Variants in ROS1 observed in about 807,000 individuals in gnomAD.
ROS1 encodes the protein ROS proto-oncogene 1, receptor tyrosine kinase, also known as proto-oncogene tyrosine-protein kinase ROS.
ROS1 carries 263 observed loss-of-function variants against 273.5 expected under a neutral mutation model. The ratio of observed to expected loss-of-function variants is 0.96; its 90% CI spans 0.87 to 1.06. The LOEUF (loss-of-function observed/expected upper bound fraction) is 1.06. Ranked by LOEUF, ROS1 falls within the 50% of genes least tolerant of loss-of-function variation. The pLI is 0.00. For synonymous variants in ROS1, 1,008 were observed against 954.1 expected, an observed-to-expected ratio of 1.06 and a Z score of -1.04; for missense variants, 2,833 against 2,751.1, an observed-to-expected ratio of 1.03 and a Z score of -0.67.
chr6:117,313,470 G>A (rs902694247), intron 39 of ROS1, among the ~76,000 whole-genome samples: 1 of 151,928 alleles, frequency 6.6e-6, no homozygotes, highest in Non-Finnish European at 1.5e-5. Context: ...CTACTCAGGA[G>A]GCTGAGGCAA....
chr6:117,293,292 A>C (rs1773971946), intron 43 of ROS1, among the ~76,000 whole-genome samples: 1 of 152,162 alleles, frequency 6.6e-6, no homozygotes, highest in Non-Finnish European at 1.5e-5. Flanking sequence ...TTCTCACCAA[A>C]TCCTTAAAAA....
chr6:117,340,624 A>T (rs1261684727), intron 31 of ROS1, among the ~76,000 whole-genome samples: 1 of 152,142 alleles, frequency 6.6e-6, no homozygotes, highest in Non-Finnish European at 1.5e-5. Context: ...GTGCTTCCTT[A>T]TTGGTTAAAG....
Position 117,393,127 on chromosome 6 carries a change from C to T in ROS1, c.1289+97G>A, listed in dbSNP as rs77427551. 1,949 of 779,894 alleles carry T rather than the reference C, an allele frequency of 2.5e-3. 30 individuals are homozygous for T. The African/African-American group carries it at 0.029, about 12-fold the overall frequency. 48.3% of individuals were successfully genotyped at this position (779,894 alleles called of 1,614,324 possible). On this transcript the variant is annotated intron_variant, in intron 12 of 43. Transcript: ENST00000368507. ...ACCTAAAGTAAGATGCATAGATAGG[C>T]TCATCTGGTACTACAATGTTTCATT...
At chr6:117,373,737 T>G (rs1307585813) in intron 18 of ROS1, among the ~76,000 whole-genome samples, 5 of 152,182 alleles carry the variant, frequency 3.3e-5, no homozygotes, top group Non-Finnish European at 7.4e-5. Context: ...GCTACCACAG[T>G]GCAGCGGCAG....
At chr6:117,336,057 TG>T (rs1777437652) in intron 32 of ROS1, among the ~76,000 whole-genome samples, 1 of 152,182 alleles carries the variant, frequency 6.6e-6, no homozygotes, top group Admixed American at 6.5e-5. Context: ...TTTGATGAAT[TG>T]GTGATAAGAT....
At chr6:117,379,961 G>A (rs1377911526) in intron 17 of ROS1, among the ~76,000 whole-genome samples, 1 of 152,012 alleles carries the variant, frequency 6.6e-6, no homozygotes, top group East Asian at 1.9e-4. Flanking sequence ...TATATCTTAA[G>A]TTTACATCCA....
Position 117,389,715 on chromosome 6 carries a change from T to G in ROS1, c.1421A>C (p.Lys474Thr), listed in dbSNP as rs762992489. The change falls in exon 13 of 44, where the codon AAG becomes ACG. Residue 474 changes from lysine (K) to threonine (T), a missense_variant. Transcript: ENST00000368507. The stretch of plus-strand genomic sequence containing the variant: ...AGTGTCATTGAAGTAAATGATTCGC[T>G]TGGCTTGTGGCTTGATTGCAAAGTC... ...LKDFAIKPQA[K>T]RIIYFNDTAQ... is the part of the protein sequence containing the mutation. 3 of 1,614,198 alleles carry G rather than the reference T, an allele frequency of 1.9e-6. No homozygotes were observed. Among genetic ancestry groups the G allele is most frequent in the Non-Finnish European group, 2.5e-6 (3 of 1,180,034 alleles).
At chr6:117,321,455 A>G in intron 35 of ROS1, 61 bp from the exon 36 acceptor site, 1 of 1,442,454 alleles carries the variant, frequency 6.9e-7, no homozygotes, top group Non-Finnish European at 9.5e-7. Flanking sequence ...TTCCTTTAGG[A>G]AATGTTAACA....
intron 32 of ROS1, among the ~76,000 whole-genome samples, chr6:117,334,749 T>A (rs1452557003): frequency 1.3e-5 from 2 of 152,046 alleles, no homozygotes; most frequent in African/African-American, 2.4e-5. Context: ...GGAAAGGATC[T>A]CCTATTTAGT....
intron 35 of ROS1, among the ~76,000 whole-genome samples, chr6:117,323,469 G>C (rs1776424283): frequency 6.6e-6 from 1 of 152,052 alleles, no homozygotes; most frequent in African/African-American, 2.4e-5. Flanking sequence ...GTTCTTTTCT[G>C]GTAAGAATCA....
chr6:117,409,471 A>C (rs1774717558), intron 5 of ROS1, 111 bp downstream of exon 5: 2 of 770,008 alleles, frequency 2.6e-6, no homozygotes, highest in Non-Finnish European at 4.7e-6. Context: ...TTTTGATCAT[A>C]TTGAGATGCA....
Position 117,311,107 on chromosome 6 carries a change from G to GGTCTTACA in ROS1, c.6127_6128insTGTAAGAC (p.Pro2043LeufsTer2). On this transcript the variant is annotated stop_gained and frameshift_variant, in exon 40 of 44. Coordinates refer to ENST00000368507, the MANE Select transcript of ROS1 (RefSeq NM_001378902.1). LOFTEE classifies it high-confidence loss of function. ...TACAAGGTCAACCAAGGTGAGTAAA[G>GGTCTTACA]GACCATAAAACTGTAAGAAATGAAA... 6.2e-7 allele frequency: 1 copy of GGTCTTACA among 1,602,700 alleles called. No individual in the cohort carries two copies. The highest frequency in any genetic ancestry group is 1.7e-4 in the Middle Eastern group (1 of 6,008).
At position 117,352,925 on chromosome 6, in the gene ROS1, A is replaced by G. The variant is rs1778991867; in HGVS notation, c.4303+65T>C. On this transcript the variant is annotated intron_variant, in intron 27 of 43. Transcript: ENST00000368507. ...TAAAGGGACAGCCTTGGAGAAGGAG[A>G]TGTTATGAGATTTTTCTGACCCTAA... 4.2e-6 allele frequency: 6 copies of G among 1,435,436 alleles called. No homozygotes were observed. In the South Asian group the frequency reaches 7.5e-5, roughly 18 times the overall value. The allele number at this position is 1,435,436 out of a possible 1,614,324, so 88.9% of individuals were successfully genotyped here. A position where few individuals can be genotyped will look rare whatever the true frequency, so the allele number is the denominator to read the frequency against.
At chr6:117,371,363 G>A (rs901627322) in intron 18 of ROS1, among the ~76,000 whole-genome samples, 1 of 152,078 alleles carries the variant, frequency 6.6e-6, no homozygotes, top group African/African-American at 2.4e-5. Context: ...TGCAGCTGAG[G>A]CAAATTTACA....
chr6:117,360,548 A>T (rs757827841), intron 22 of ROS1, 143 bp from the exon 23 acceptor site: 94 of 516,696 alleles, frequency 1.8e-4, no homozygotes, highest in Non-Finnish European at 2.6e-4. Context: ...TGACATTAAT[A>T]TACAGCAATA....
intron 18 of ROS1, among the ~76,000 whole-genome samples, chr6:117,377,391 G>A (rs574126010): frequency 5.9e-5 from 9 of 152,126 alleles, no homozygotes; most frequent in Middle Eastern, 3.4e-3. Flanking sequence ...GATTACAGGC[G>A]TGAGCCACCA....
intron 43 of ROS1, among the ~76,000 whole-genome samples, chr6:117,296,219 G>T (rs1274393858): frequency 6.7e-6 from 1 of 148,776 alleles, no homozygotes; most frequent in Admixed American, 6.9e-5. Flanking sequence ...CCAACATGGT[G>T]AAACCCAGTC....
chr6:117,420,865 A>G (rs1295331832), intron 1 of ROS1, among the ~76,000 whole-genome samples: 1 of 151,786 alleles, frequency 6.6e-6, no homozygotes, highest in Non-Finnish European at 1.5e-5. Context: ...AGCCTTTTGC[A>G]TACATATCTT....
intron 9 of ROS1, among the ~76,000 whole-genome samples, chr6:117,395,948 C>A (rs1582840526): frequency 6.6e-6 from 1 of 151,952 alleles, no homozygotes; most frequent in East Asian, 1.9e-4. Context: ...TTTTTTAAAA[C>A]CCTAAATTTT....
Sources: gnomAD v4.1 joint callset for allele counts (sites outside exome capture counted in the v4.1 genomes callset) on GRCh38, gnomAD v4.1.1 for gene constraint, MANE v1.5 for transcripts, NCBI Gene and HGNC (gene_info 2026-07-23, HGNC 2026-07-21) for gene names.